Variants in CCDC138 observed in about 807,000 individuals in gnomAD.
The protein encoded by CCDC138 is coiled-coil domain-containing protein 138.
CCDC138 carries 66 observed loss-of-function variants against 82.3 expected under a neutral mutation model. The observed-to-expected ratio is 0.80, with a 90% CI of 0.66 to 0.98. The LOEUF (loss-of-function observed/expected upper bound fraction) is 0.98. Ranked by LOEUF, CCDC138 falls within the 50% of genes least tolerant of loss-of-function variation. The pLI, the probability that CCDC138 is intolerant of heterozygous loss-of-function variation, is 0.00. For missense variants in CCDC138, 816 were observed against 758.9 expected (o/e 1.08, Z -0.88); for synonymous variants, 297 against 265.4 (o/e 1.12, Z -1.16).
At chr2:108,787,900 C>G (rs1679177419) in intron 1 of CCDC138, 132 bp from the exon 2 acceptor site, 1 of 763,902 alleles carries the variant, frequency 1.3e-6, no homozygotes. Flanking sequence ...GTTTTGATCA[C>G]TTGGTTAAGA....
intron 10 of CCDC138, among the ~76,000 whole-genome samples, chr2:108,817,571 A>G (rs1282831376): frequency 1.3e-5 from 2 of 152,038 alleles, no homozygotes; most frequent in Non-Finnish European, 2.9e-5. Flanking sequence ...GATTACAGGC[A>G]TGAGCCACCG....
At chr2:108,835,052 G>C (rs921573774) in intron 10 of CCDC138, among the ~76,000 whole-genome samples, 2 of 152,226 alleles carry the variant, frequency 1.3e-5, no homozygotes, top group Non-Finnish European at 2.9e-5. Context: ...AATGCTGCTA[G>C]AACTGTAGTT....
chr2:108,809,563 C>T (rs1296940524), intron 7 of CCDC138, among the ~76,000 whole-genome samples: 1 of 150,964 alleles, frequency 6.6e-6, no homozygotes, highest in African/African-American at 2.4e-5. Flanking sequence ...AAATTTATTC[C>T]CAGCTATTTT....
intron 12 of CCDC138, among the ~76,000 whole-genome samples, chr2:108,856,406 AC>A (rs1692609727): frequency 1.3e-5 from 2 of 152,244 alleles, no homozygotes; most frequent in South Asian, 4.1e-4. Context: ...GGAAGCAGCA[AC>A]AAAACATAAT....
At chr2:108,858,448 G>A (rs1692996454) in intron 13 of CCDC138, among the ~76,000 whole-genome samples, 1 of 152,176 alleles carries the variant, frequency 6.6e-6, no homozygotes, top group African/African-American at 2.4e-5. Flanking sequence ...GCCGTATTGT[G>A]TTTAGTGATG....
intron 6 of CCDC138, among the ~76,000 whole-genome samples, chr2:108,799,997 A>C (rs950545330): frequency 6.6e-6 from 1 of 152,076 alleles, no homozygotes; most frequent in African/African-American, 2.4e-5. Context: ...TTCTGTCTTT[A>C]TATTTACATC....
At chr2:108,852,362 A>C (rs1048947142) in intron 12 of CCDC138, among the ~76,000 whole-genome samples, 1 of 152,210 alleles carries the variant, frequency 6.6e-6, no homozygotes, top group Admixed American at 6.5e-5. Context: ...CAAAGACCTA[A>C]AGACAAATGC....
At chr2:108,798,816 TACACACACACAC>T (rs61201793) in intron 6 of CCDC138, among the ~76,000 whole-genome samples, 115 of 131,640 alleles carry the variant, frequency 8.7e-4, no homozygotes, top group African/African-American at 2.8e-3. Flanking sequence ...TCTCCACACC[TACACACACACAC>T]ACACACACAC....
At chr2:108,806,609 A>G (rs962060931) in intron 7 of CCDC138, among the ~76,000 whole-genome samples, 1 of 152,178 alleles carries the variant, frequency 6.6e-6, no homozygotes. Flanking sequence ...CGTAATGCGA[A>G]AACAGCCATA....
At chr2:108,868,424 A>G (rs1694747665) in intron 13 of CCDC138, among the ~76,000 whole-genome samples, 1 of 152,226 alleles carries the variant, frequency 6.6e-6, no homozygotes, top group Non-Finnish European at 1.5e-5. Flanking sequence ...TGACTCAACA[A>G]AAGCACTGAA....
At chr2:108,817,330 G>C (rs558844481) in intron 10 of CCDC138, among the ~76,000 whole-genome samples, 1 of 150,380 alleles carries the variant, frequency 6.6e-6, no homozygotes, top group Non-Finnish European at 1.5e-5. Context: ...GTTTTGCTCT[G>C]TTGCCAGGCT....
intron 14 of CCDC138, among the ~76,000 whole-genome samples, 179 bp downstream of exon 14, chr2:108,873,768 C>G (rs183158520): frequency 5.3e-5 from 8 of 152,220 alleles, no homozygotes; most frequent in African/African-American, 1.9e-4. Flanking sequence ...CAAAACAAAA[C>G]CTCATAGTGT....
intron 10 of CCDC138, among the ~76,000 whole-genome samples, chr2:108,824,848 G>T (rs13407366): frequency 0.042 from 6,329 of 152,156 alleles, 447 homozygotes; most frequent in African/African-American, 0.14. Flanking sequence ...ATCACTAAGT[G>T]ATAGGAATTT....
At chr2:108,867,171 G>A (rs1242693889) in intron 13 of CCDC138, among the ~76,000 whole-genome samples, 1 of 152,050 alleles carries the variant, frequency 6.6e-6, no homozygotes, top group Non-Finnish European at 1.5e-5. Flanking sequence ...GAGAAATTAA[G>A]TGACTTATTT....
chr2:108,874,370 A>G (rs895071297), intron 14 of CCDC138, among the ~76,000 whole-genome samples: 20 of 152,104 alleles, frequency 1.3e-4, no homozygotes, highest in Non-Finnish European at 2.9e-4. Flanking sequence ...TGACTCAGAA[A>G]CTTGTATAAC....
chr2:108,875,471 T>C (rs1380590868), intron 14 of CCDC138, among the ~76,000 whole-genome samples: 1 of 151,988 alleles, frequency 6.6e-6, no homozygotes, highest in Non-Finnish European at 1.5e-5. Context: ...TTACTCAAAA[T>C]AGGATGATCA....
intron 13 of CCDC138, among the ~76,000 whole-genome samples, chr2:108,867,977 T>C (rs1328577972): frequency 6.6e-6 from 1 of 152,208 alleles, no homozygotes; most frequent in Non-Finnish European, 1.5e-5. Flanking sequence ...AAGATTAAAA[T>C]AGCTCTTATC....
At chr2:108,870,048 C>G (rs13423188) in intron 13 of CCDC138, among the ~76,000 whole-genome samples, 11,022 of 152,120 alleles carry the variant, frequency 0.072, 512 homozygotes, top group South Asian at 0.15. Context: ...ATAATGAAAT[C>G]AGGGAAGTGA....
intron 10 of CCDC138, among the ~76,000 whole-genome samples, chr2:108,835,093 T>G (rs1688353607): frequency 6.6e-6 from 1 of 152,226 alleles, no homozygotes; most frequent in Admixed American, 6.5e-5. Context: ...GCTGCAAATC[T>G]GTGTTGGAAT....
Sources: allele counts gnomAD v4.1 joint callset (sites outside exome capture counted in the v4.1 genomes callset), GRCh38; gene constraint gnomAD v4.1.1; transcripts MANE v1.5; gene names NCBI Gene and HGNC (gene_info 2026-07-23, HGNC 2026-07-21).